BRIP1: variants seen among roughly 807,000 people sequenced by gnomAD.
The protein encoded by BRIP1 is Fanconi anemia group J protein.
A neutral mutation model predicts 119.7 loss-of-function variants in BRIP1; 88 were observed. The ratio of observed to expected loss-of-function variants is 0.74; its 90% CI spans 0.62 to 0.88. The LOEUF is 0.88. Ranked by LOEUF, BRIP1 falls within the 40% of genes least tolerant of loss-of-function variation. BRIP1 has a pLI of 0.00. For missense variants in BRIP1, 1,259 were observed against 1,455.4 expected (o/e 0.87, Z 2.20); for synonymous variants, 443 against 496.5 (o/e 0.89, Z 1.43).
At chr17:61,696,543 T>G (rs1290420694) in intron 17 of BRIP1, among the ~76,000 whole-genome samples, 2 of 152,068 alleles carry the variant, frequency 1.3e-5, no homozygotes, top group Non-Finnish European at 1.5e-5. Flanking sequence ...CTTCTGTAAA[T>G]TTTTGGTAGA....
Position 61,844,586 on chromosome 17 carries a change from T to C in BRIP1, c.627+2515A>G, listed in dbSNP as rs1354655286. On this transcript the variant is annotated intron_variant, in intron 6 of 19. Transcript: ENST00000259008. The surrounding 1 kb of genome is among the most constrained non-coding windows in gnomAD (Gnocchi z 4.7). ...ACATGGGCAACACATTGAGACCCTG[T>C]GTCTACAAATAAAGCAAACAAAAAC... is the stretch of plus-strand genomic sequence containing the variant. Among the ~76,000 whole-genome samples the C allele has an allele frequency of 6.6e-6, 1 of 152,166 alleles. No homozygotes were observed. The highest frequency in any genetic ancestry group is 6.5e-5 in the Admixed American group (1 of 15,278).
In BRIP1 at chr17:61,810,500, T is replaced by C. The variant is rs149327947; in HGVS notation, c.628-1743A>G. 4.0e-3 allele frequency among the ~76,000 whole-genome samples: 612 copies of C among 152,308 alleles called. 3 individuals are homozygous for C. The highest frequency in any genetic ancestry group is 5.2e-3 in the Non-Finnish European group (356 of 68,008). On this transcript the variant is annotated intron_variant, in intron 6 of 19. Transcript: ENST00000259008. The surrounding 1 kb of genome is among the most constrained non-coding windows in gnomAD (Gnocchi z 4.7). ...TACCATCAATTTTTTCCCTCAATTATACTATTTCTCTTCCTTATGATACAG... is the reference window on the plus strand; with the variant it reads ...TACCATCAATTTTTTCCCTCAATTACACTATTTCTCTTCCTTATGATACAG...
intron 14 of BRIP1, among the ~76,000 whole-genome samples, chr17:61,773,467 A>G (rs937583513): frequency 6.6e-6 from 1 of 152,166 alleles, no homozygotes; most frequent in East Asian, 1.9e-4. Flanking sequence ...CCTAGAAGAA[A>G]ACCTAGGCAA....
intron 16 of BRIP1, among the ~76,000 whole-genome samples, chr17:61,733,624 T>C (rs575447651): frequency 6.6e-6 from 1 of 152,046 alleles, no homozygotes; most frequent in Non-Finnish European, 1.5e-5. Context: ...TTTTAAAAAA[T>C]TGATTAAAAT....
rs2061428392 is a variant in BRIP1 at position 61,690,279 on chromosome 17, A to G, written c.2575+3151T>C. 6.6e-6 allele frequency among the ~76,000 whole-genome samples: 1 copy of G among 152,240 alleles called. No homozygotes were observed. Among genetic ancestry groups the G allele is most frequent in the African/African-American group, 2.4e-5 (1 of 41,462 alleles). ...CTCGTGAAGTTAAAAGTGTACACAA[A>G]TACAGAATACTTTAATATAACAACA... On this transcript the variant is annotated intron_variant, in intron 18 of 19. Transcript: ENST00000259008. The surrounding 1 kb of genome is among the most constrained non-coding windows in gnomAD (Gnocchi z 5.6).
chr17:61,688,131 A>G (rs2061387574), intron 18 of BRIP1, among the ~76,000 whole-genome samples: 3 of 152,148 alleles, frequency 2.0e-5, no homozygotes, highest in South Asian at 2.1e-4. Flanking sequence ...CTTGCTTGTC[A>G]TAGAGTACTG....
rs1296057806 is a variant in BRIP1, at chr17:61,720,046, T to A, written c.2380-3983A>T. The stretch of plus-strand genomic sequence containing the variant: ...AGATGGATTCTTGCTATGTTGCCTA[T>A]GATGGTCTCCAACTCATAAGCTCAA... On this transcript the variant is annotated intron_variant, in intron 16 of 19. Transcript: ENST00000259008. This position sits in a 1 kb window ranked among gnomAD's most constrained non-coding sequence, Gnocchi z 4.3. Among the ~76,000 whole-genome samples, 1 of 152,098 alleles carries A rather than the reference T, an allele frequency of 6.6e-6. No individual in the cohort carries two copies. The highest frequency in any genetic ancestry group is 1.9e-4 in the East Asian group (1 of 5,182).
Position 61,856,914 on chromosome 17 carries a change from G to T in BRIP1, c.379+144C>A, listed in dbSNP as rs2078902892. On this transcript the variant is annotated intron_variant, in intron 4 of 19. Transcript: ENST00000259008. The surrounding 1 kb of genome is among the most constrained non-coding windows in gnomAD (Gnocchi z 5.1). Reference sequence around the variant, plus strand: ...GTCTATGGATTTTTGACCACTCTGTGCTATTTTAAAATCATTCCAGAGAAA... The same window carrying T: ...GTCTATGGATTTTTGACCACTCTGTTCTATTTTAAAATCATTCCAGAGAAA... 1.2e-6 allele frequency: 1 copy of T among 818,546 alleles called. No individual in the cohort carries two copies. Among genetic ancestry groups the T allele is most frequent in the Non-Finnish European group, 2.0e-6 (1 of 498,100 alleles). 50.7% of individuals were successfully genotyped at this position (818,546 alleles called of 1,614,324 possible).
At position 61,859,829 on chromosome 17, in the gene BRIP1, A is replaced by G; in HGVS notation, c.172T>C (p.Cys58Arg). The change falls in exon 3 of 20, where the codon TGT (cysteine) becomes CGT (arginine). Residue 58 changes from cysteine to arginine, a missense_variant. Around this residue, in one of 3 missense-constraint regions of BRIP1, gnomAD observed 501 missense variants for 544.0 expected, o/e 0.92. Transcript: ENST00000259008. ...GATTGTTGCCATGCTAAAGCAGAAC[A>G]AAGTAAGGCTAAGCTTTTTCCACTT... ...TGSGKSLALLCSALAWQQSLS... is the reference protein window; with the variant it reads ...TGSGKSLALLRSALAWQQSLS... 1 of 1,613,956 alleles carries G rather than the reference A, an allele frequency of 6.2e-7. No homozygotes were observed. The highest frequency in any genetic ancestry group is 8.5e-7 in the Non-Finnish European group (1 of 1,179,848).
At chr17:61,854,702 C>CAAAAAAA (rs60657866) in intron 4 of BRIP1, among the ~76,000 whole-genome samples, 1 of 82,290 alleles carries the variant, frequency 1.2e-5, no homozygotes. Context: ...GACTCCGTCT[C>CAAAAAAA]AAAAAAAAAA....
rs542698396 is a variant in BRIP1, at chr17:61,683,395, C to A, written c.3651G>T (p.Trp1217Cys). ...TTTTTCCCAGTTCCAGTTCATTTAT[C>A]CAAGTTGTTTTTACATTACCATCAA... ...DDIDGNVKTT[W>C]INELELGKTH... The change falls in exon 20 of 20, where the codon TGG becomes TGT. Residue 1217 changes from tryptophan (W) to cysteine (C), a missense_variant. Trp to Cys is a radical substitution (Grantham distance 215). Coordinates refer to ENST00000259008, the MANE Select transcript of BRIP1 (RefSeq NM_032043.3). This position sits in a 1 kb window ranked among gnomAD's most constrained non-coding sequence, Gnocchi z 4.7. The A allele has an allele frequency of 9.3e-6, 15 of 1,613,276 alleles. No individual in the cohort carries two copies. The Admixed American group carries it at 1.5e-4, about 16-fold the overall frequency.
chr17:61,682,942 G>A lies in BRIP1; in HGVS notation c.*354C>T. On this transcript the variant is annotated 3_prime_UTR_variant, in exon 20 of 20. Coordinates refer to ENST00000259008, the MANE Select transcript of BRIP1 (RefSeq NM_032043.3). The surrounding 1 kb of genome is among the most constrained non-coding windows in gnomAD (Gnocchi z 4.9). ...AGGCCAGGAGTTCGAGACCAGCCTG[G>A]CCAACATGGTGAAACCCCATCTCTA... 4.0e-6 allele frequency: 1 copy of A among 250,422 alleles called. No homozygotes were observed. The highest frequency in any genetic ancestry group is 7.8e-6 in the Non-Finnish European group (1 of 128,826). 15.5% of individuals were successfully genotyped at this position (250,422 alleles called of 1,614,324 possible). A position where few individuals can be genotyped will look rare whatever the true frequency, so the allele number is the denominator to read the frequency against.
chr17:61,830,853 T>C (rs2078483113), intron 6 of BRIP1, among the ~76,000 whole-genome samples: 1 of 152,118 alleles, frequency 6.6e-6, no homozygotes, highest in Admixed American at 6.5e-5. Flanking sequence ...CTTATGAACA[T>C]AGATGGAAAG....
Position 61,767,684 on chromosome 17 carries a change from C to G in BRIP1, c.2097+8717G>C, listed in dbSNP as rs1444579576. On this transcript the variant is annotated intron_variant, in intron 14 of 19. Transcript: ENST00000259008. This position sits in a 1 kb window ranked among gnomAD's most constrained non-coding sequence, Gnocchi z 5.7. ...AGCTCAGGCAATCCACCCACCTTGG[C>G]CTCCCAAAGTGCTGGGATTACAGGT... Among the ~76,000 whole-genome samples, 1 of 152,234 alleles carries G rather than the reference C, an allele frequency of 6.6e-6. No individual in the cohort carries two copies. Among genetic ancestry groups the G allele is most frequent in the Admixed American group, 6.5e-5 (1 of 15,288 alleles).
At position 61,851,380 on chromosome 17, in the gene BRIP1, T is replaced by A. The variant is rs1049476065; in HGVS notation, c.380-2124A>T. ...ACACAGTTTGAAAACCACTATACTC[T>A]AAAAATCCTAATAGTTTTGCCTATC... On this transcript the variant is annotated intron_variant, in intron 4 of 19. Coordinates refer to ENST00000259008, the MANE Select transcript of BRIP1 (RefSeq NM_032043.3). This position sits in a 1 kb window ranked among gnomAD's most constrained non-coding sequence, Gnocchi z 4.6. Among the ~76,000 whole-genome samples, 2 of 152,222 alleles carry A rather than the reference T, an allele frequency of 1.3e-5. No homozygotes were observed. Among genetic ancestry groups the A allele is most frequent in the Non-Finnish European group, 2.9e-5 (2 of 68,028 alleles).
At position 61,857,381 on chromosome 17, in the gene BRIP1, A is replaced by G. The variant is rs2078913420; in HGVS notation, c.206-150T>C. Reference sequence around the variant, plus strand: ...GGAAGGTACCTGGCAAACCTGGACAAGCTGGTCACTTTATCTGCAGCATCA... The same window carrying G: ...GGAAGGTACCTGGCAAACCTGGACAGGCTGGTCACTTTATCTGCAGCATCA... On this transcript the variant is annotated intron_variant, in intron 3 of 19. Coordinates refer to ENST00000259008, the MANE Select transcript of BRIP1 (RefSeq NM_032043.3). This position sits in a 1 kb window ranked among gnomAD's most constrained non-coding sequence, Gnocchi z 5.1. The G allele has an allele frequency of 3.0e-6, 2 of 665,680 alleles. No homozygotes were observed. Among genetic ancestry groups the G allele is most frequent in the Non-Finnish European group, 4.9e-6 (2 of 404,752 alleles). 41.2% of individuals were successfully genotyped at this position (665,680 alleles called of 1,614,324 possible).
rs552314603 is a variant in BRIP1 at position 61,755,890 on chromosome 17, A to G, written c.2098-11299T>C. On this transcript the variant is annotated intron_variant, in intron 14 of 19. Coordinates refer to ENST00000259008, the MANE Select transcript of BRIP1 (RefSeq NM_032043.3). The surrounding 1 kb of genome is among the most constrained non-coding windows in gnomAD (Gnocchi z 4.5). ...ACGAAGTGGTATGTCCTCTGGGTCT[A>G]TCCGGATTTTAGTTCGGGCAAAGAG... Among the ~76,000 whole-genome samples the G allele has an allele frequency of 2.7e-4, 41 of 152,230 alleles. No homozygotes were observed. Among genetic ancestry groups the G allele is most frequent in the Non-Finnish European group, 5.7e-4 (39 of 68,036 alleles).
chr17:61,763,864 G>A (rs1171941808), intron 14 of BRIP1, among the ~76,000 whole-genome samples: 1 of 152,032 alleles, frequency 6.6e-6, no homozygotes, highest in South Asian at 2.1e-4. Context: ...ATATTAAAGA[G>A]ATAAAGTAAG....
chr17:61,700,067 A>C lies in BRIP1; in HGVS notation c.2493-6555T>G, dbSNP rs1173502983. Among the ~76,000 whole-genome samples, 1 of 152,094 alleles carries C rather than the reference A, an allele frequency of 6.6e-6. No homozygotes were observed. Among genetic ancestry groups the C allele is most frequent in the African/African-American group, 2.4e-5 (1 of 41,404 alleles). ...TGCTTGGTGTCGTTTCACTGTAATA[A>C]ATCCTAGCCATGTATACAGTTATAT... On this transcript the variant is annotated intron_variant, in intron 17 of 19. Coordinates refer to ENST00000259008, the MANE Select transcript of BRIP1 (RefSeq NM_032043.3). This position sits in a 1 kb window ranked among gnomAD's most constrained non-coding sequence, Gnocchi z 4.1.
Sources: allele counts gnomAD v4.1 joint callset (sites outside exome capture counted in the v4.1 genomes callset), GRCh38; gene constraint gnomAD v4.1.1; regional missense constraint gnomAD v4.1.1; non-coding constraint Gnocchi (gnomAD v3.1); transcripts MANE v1.5; gene names NCBI Gene and HGNC (gene_info 2026-07-23, HGNC 2026-07-21).